Variants in ESRRG observed in about 807,000 individuals in gnomAD.
ESRRG encodes the protein estrogen-related receptor gamma.
A neutral mutation model predicts 44.0 loss-of-function variants in ESRRG; 13 were observed. The ratio of observed to expected loss-of-function variants is 0.30; its 90% CI spans 0.19 to 0.47. The LOEUF is 0.47. Ranked by LOEUF, ESRRG falls within the 20% of genes least tolerant of loss-of-function variation. The probability of loss-of-function intolerance (pLI) is 1.00; values close to 1 mark genes in which losing one functional copy is unlikely to be tolerated. For missense variants in ESRRG, 395 were observed against 580.6 expected, an observed-to-expected ratio of 0.68 and a Z score of 3.29; for synonymous variants, 215 against 214.6, an observed-to-expected ratio of 1.00 and a Z score of -0.02.
chr1:216,690,226 C>A (rs2151714321), intron 1 of ESRRG, among the ~76,000 whole-genome samples: 1 of 151,768 alleles, frequency 6.6e-6, no homozygotes, highest in East Asian at 1.9e-4. Flanking sequence ...CACTGATGAA[C>A]AAATAAACAA....
chr1:216,882,945 A>T (rs2149330473), intron 2 of ESRRG, among the ~76,000 whole-genome samples: 1 of 152,120 alleles, frequency 6.6e-6, no homozygotes, highest in East Asian at 1.9e-4. Flanking sequence ...AAAAAAAAAA[A>T]ATGCTCTCTA....
rs61465430 is a variant in ESRRG, at chr1:217,060,788, CTAGATAGA to C, written c.-106+28711_-106+28718del. On this transcript the variant is annotated intron_variant, in intron 1 of 7. Coordinates refer to the ESRRG transcript ENST00000359162. Reference sequence around the variant, plus strand: ...AATAAAATCAAAATGATATTGAACACTAGATAGATAGATAGATAGATAGATAGATAGAT... The same window carrying C: ...AATAAAATCAAAATGATATTGAACACTAGATAGATAGATAGATAGATAGAT... Among the ~76,000 whole-genome samples the C allele has an allele frequency of 8.8e-4, 58 of 65,596 alleles. No individual in the cohort carries two copies. In the South Asian group the frequency reaches 0.015, roughly 17 times the overall value. 43.0% of individuals were successfully genotyped at this position (65,596 alleles called of 152,430 possible).
At chr1:217,063,224 C>A (rs770336795) in intron 1 of ESRRG, among the ~76,000 whole-genome samples, 1 of 152,170 alleles carries the variant, frequency 6.6e-6, no homozygotes, top group Non-Finnish European at 1.5e-5. Flanking sequence ...GAGGACTAAG[C>A]AACCCAGCTG....
At chr1:216,680,264 A>G (rs1183910672) in intron 1 of ESRRG, among the ~76,000 whole-genome samples, 2 of 152,222 alleles carry the variant, frequency 1.3e-5, no homozygotes, top group Non-Finnish European at 2.9e-5. Flanking sequence ...AATCCCCAAG[A>G]TAACTTCGTA....
chr1:216,751,402 T>A (rs544539950), intron 2 of ESRRG, among the ~76,000 whole-genome samples: 13 of 152,278 alleles, frequency 8.5e-5, no homozygotes, highest in Admixed American at 7.2e-4. Context: ...CTGATTTATT[T>A]TAACTTTGGT....
chr1:216,741,761 G>C (rs762372505), intron 2 of ESRRG, among the ~76,000 whole-genome samples: 2 of 152,098 alleles, frequency 1.3e-5, no homozygotes, highest in African/African-American at 2.4e-5. Flanking sequence ...TTACTATTAT[G>C]AAACAGATGA....
rs972031090 is a variant in ESRRG, at chr1:216,723,248, C to G, written c.52G>C (p.Glu18Gln). The G allele has an allele frequency of 6.3e-7, 1 of 1,597,748 alleles. No individual in the cohort carries two copies. Among genetic ancestry groups the G allele is most frequent in the Non-Finnish European group, 8.6e-7 (1 of 1,168,552 alleles). The stretch of plus-strand genomic sequence containing the variant: ...GGAAAGAAAAAAGGTACCTACTCTT[C>G]CTCGTAGTGCAGGGAAAAAGATTCA... ...LPESFSLHYE[E>Q]ELLCRMSNKD... The change falls in exon 1 of 7, where the codon GAA becomes CAA. Residue 18 changes from glutamate (E) to glutamine (Q), a missense_variant. Physicochemically the swap from Glu to Gln is conservative, Grantham distance 29. Coordinates refer to ENST00000408911, the MANE Select transcript of ESRRG (RefSeq NM_001438.4).
intron 1 of ESRRG, among the ~76,000 whole-genome samples, chr1:217,031,707 C>G (rs1242189039): frequency 6.6e-6 from 1 of 152,196 alleles, no homozygotes; most frequent in Admixed American, 6.5e-5. Flanking sequence ...TGGGAGATAA[C>G]TGAATCACAG....
intron 1 of ESRRG, among the ~76,000 whole-genome samples, chr1:216,998,931 G>A (rs1405146805): frequency 1.3e-5 from 2 of 152,126 alleles, no homozygotes; most frequent in Admixed American, 6.5e-5. Flanking sequence ...ACATTTGCGT[G>A]GTTCATATAA....
At chr1:217,045,103 G>C (rs1487732667) in intron 1 of ESRRG, among the ~76,000 whole-genome samples, 2 of 152,192 alleles carry the variant, frequency 1.3e-5, no homozygotes, top group Non-Finnish European at 2.9e-5. Flanking sequence ...GCCTTAATGT[G>C]CTCAGCTGGG....
At chr1:216,535,923 A>G (rs1246661611) in intron 5 of ESRRG, among the ~76,000 whole-genome samples, 1 of 152,082 alleles carries the variant, frequency 6.6e-6, no homozygotes, top group Non-Finnish European at 1.5e-5. Flanking sequence ...CCATTCCACT[A>G]AAGTCTGGAT....
intron 1 of ESRRG, among the ~76,000 whole-genome samples, chr1:217,083,527 G>T (rs1392627762): frequency 6.6e-6 from 1 of 152,102 alleles, no homozygotes; most frequent in African/African-American, 2.4e-5. Context: ...AGAAACAAAG[G>T]TTCACTACTG....
chr1:216,883,235 A>T (rs1001288157), intron 2 of ESRRG, among the ~76,000 whole-genome samples: 40 of 151,922 alleles, frequency 2.6e-4, no homozygotes, highest in African/African-American at 9.7e-4. Context: ...ATACAAAAAA[A>T]ATTAGCCAGG....
chr1:216,700,560 T>C (rs1302827523), intron 1 of ESRRG, among the ~76,000 whole-genome samples: 2 of 152,136 alleles, frequency 1.3e-5, no homozygotes, highest in African/African-American at 4.8e-5. Context: ...CTCGTACTAC[T>C]GGTAACAAGG....
At chr1:216,831,636 T>C (rs1231759552) in intron 2 of ESRRG, among the ~76,000 whole-genome samples, 1 of 152,114 alleles carries the variant, frequency 6.6e-6, no homozygotes, top group East Asian at 1.9e-4. Flanking sequence ...AGGTAAACTA[T>C]TAATATTAGA....
At chr1:216,803,209 T>G (rs1168018143) in intron 2 of ESRRG, among the ~76,000 whole-genome samples, 3 of 152,126 alleles carry the variant, frequency 2.0e-5, no homozygotes, top group Admixed American at 1.3e-4. Context: ...CCCTTTTCAA[T>G]ACAGACACAG....
At chr1:216,804,472 TA>T (rs1559702495) in intron 2 of ESRRG, among the ~76,000 whole-genome samples, 2 of 151,818 alleles carry the variant, frequency 1.3e-5, no homozygotes, top group African/African-American at 4.8e-5. Context: ...TGGTACTTTT[TA>T]AAATTTTTTT....
At chr1:216,628,311 A>C (rs957009216) in intron 3 of ESRRG, among the ~76,000 whole-genome samples, 1 of 152,116 alleles carries the variant, frequency 6.6e-6, no homozygotes, top group Non-Finnish European at 1.5e-5. Flanking sequence ...CTGGAGTGCA[A>C]TGGCACAATT....
In ESRRG at chr1:216,947,791, C is replaced by T. The variant is rs149711334; in HGVS notation, c.-105-8118G>A. ...AAACTAACCAGCAGTTCCTCTTGCT[C>T]CTTGACACACAGCTAACCATATTCC... On this transcript the variant is annotated intron_variant, in intron 1 of 7. Transcript: ENST00000359162. Among the ~76,000 whole-genome samples the T allele has an allele frequency of 5.8e-3, 877 of 152,312 alleles. 27 individuals are homozygous for T. The highest frequency in any genetic ancestry group is 0.052 in the Admixed American group (801 of 15,294).
Sources: gnomAD v4.1 joint callset for allele counts (sites outside exome capture counted in the v4.1 genomes callset) on GRCh38, gnomAD v4.1.1 for gene constraint, MANE v1.5 for transcripts, NCBI Gene and HGNC (gene_info 2026-07-23, HGNC 2026-07-21) for gene names.